PDE10A: variants seen among roughly 807,000 people sequenced by gnomAD.
PDE10A encodes phosphodiesterase 10A.
PDE10A carries 39 observed loss-of-function variants against 97.7 expected under a neutral mutation model. The ratio of observed to expected loss-of-function variants is 0.40; its 90% CI spans 0.31 to 0.52. PDE10A has a LOEUF of 0.52. PDE10A is among the 20% of genes least tolerant of loss of function. The pLI, the probability that PDE10A is intolerant of heterozygous loss-of-function variation, is 0.56. For synonymous variants in PDE10A, 371 were observed against 376.8 expected (o/e 0.98, Z 0.18); for missense variants, 731 against 1,047.8 (o/e 0.70, Z 4.17).
intron 1 of PDE10A, among the ~76,000 whole-genome samples, chr6:165,635,791 A>G (rs1265672951): frequency 6.6e-6 from 1 of 152,198 alleles, no homozygotes; most frequent in Non-Finnish European, 1.5e-5. Context: ...ATACAAGAAT[A>G]AAGGTACCTT....
chr6:165,558,452 C>T (rs755058268), intron 1 of PDE10A, among the ~76,000 whole-genome samples: 14 of 141,378 alleles, frequency 9.9e-5, no homozygotes, highest in Admixed American at 1.4e-4. Context: ...CGGGGCCTGT[C>T]GTGGGGTTGG....
At chr6:165,692,911 G>A (rs1791343415) in intron 1 of PDE10A, among the ~76,000 whole-genome samples, 1 of 152,172 alleles carries the variant, frequency 6.6e-6, no homozygotes, top group Non-Finnish European at 1.5e-5. Flanking sequence ...AATCCGCAGT[G>A]TCTGTACGGC....
chr6:165,644,002 C>T (rs1789268509), intron 1 of PDE10A, among the ~76,000 whole-genome samples: 1 of 152,130 alleles, frequency 6.6e-6, no homozygotes, highest in Non-Finnish European at 1.5e-5. Context: ...TAAAAGAAAG[C>T]TGAAAAGTAC....
At chr6:165,841,896 C>T (rs949544701) in intron 1 of PDE10A, among the ~76,000 whole-genome samples, 4 of 152,174 alleles carry the variant, frequency 2.6e-5, no homozygotes, top group Non-Finnish European at 5.9e-5. Flanking sequence ...TAAATTATGC[C>T]AGGAGCTTTT....
At chr6:165,456,974 C>A (rs986901631) in intron 3 of PDE10A, among the ~76,000 whole-genome samples, 1 of 152,098 alleles carries the variant, frequency 6.6e-6, no homozygotes, top group East Asian at 1.9e-4. Context: ...AAATGTACTA[C>A]AAGAATAAGC....
At position 165,764,710 on chromosome 6, in the gene PDE10A, T is replaced by C. The variant is rs371159522; in HGVS notation, c.-614-221142A>G. ...CGGCTCAGGAGTGAAGCTGCAGACC[T>C]TCCCGGTGAGTGTTACAGCTCATAA... On this transcript the variant is annotated intron_variant, in intron 1 of 19. Coordinates refer to the PDE10A transcript ENST00000366882. 1.2e-3 allele frequency among the ~76,000 whole-genome samples: 179 copies of C among 152,288 alleles called. 2 individuals are homozygous for C. Among genetic ancestry groups the C allele is most frequent in the African/African-American group, 4.0e-3 (167 of 41,554 alleles).
chr6:165,641,497 T>C (rs1434911867), intron 1 of PDE10A, among the ~76,000 whole-genome samples: 4 of 152,196 alleles, frequency 2.6e-5, no homozygotes, highest in African/African-American at 9.7e-5. Flanking sequence ...GCTTTAAAAG[T>C]TACACTTCAG....
Position 165,521,040 on chromosome 6 carries a change from T to C in PDE10A, c.994+22400A>G, listed in dbSNP as rs529004093. Among the ~76,000 whole-genome samples the C allele has an allele frequency of 5.6e-4, 85 of 152,310 alleles. No individual in the cohort carries two copies. In the South Asian group the frequency reaches 0.017, roughly 31 times the overall value. On this transcript the variant is annotated intron_variant, in intron 2 of 21. Coordinates refer to ENST00000539869, the MANE Select transcript of PDE10A (RefSeq NM_001385079.1). ...AGCAAGCAAGTCTATCAGCACCATT[T>C]TTCCAACAGCATGTGCTCACTTGGT...
intron 1 of PDE10A, among the ~76,000 whole-genome samples, chr6:165,845,790 C>T (rs754671805): frequency 6.6e-6 from 1 of 152,160 alleles, no homozygotes; most frequent in Admixed American, 6.5e-5. Context: ...AATCTGCCAA[C>T]ATCTGCAAAA....
chr6:165,890,844 C>T (rs1781772321), intron 1 of PDE10A, among the ~76,000 whole-genome samples: 1 of 152,212 alleles, frequency 6.6e-6, no homozygotes, highest in Non-Finnish European at 1.5e-5. Context: ...GAAACAAAGG[C>T]TGTAATTTCT....
At chr6:165,764,747 A>T (rs965998139) in intron 1 of PDE10A, among the ~76,000 whole-genome samples, 3 of 152,130 alleles carry the variant, frequency 2.0e-5, no homozygotes, top group Admixed American at 2.0e-4. Context: ...GGCACTGTGG[A>T]CCCAAAGAGT....
chr6:165,722,743 G>A (rs1057334672), intron 1 of PDE10A, among the ~76,000 whole-genome samples: 2 of 152,122 alleles, frequency 1.3e-5, no homozygotes, highest in African/African-American at 4.8e-5. Context: ...ATGTACGTAA[G>A]TTATATGAAG....
At chr6:165,369,746 C>T (rs963720658) in intron 18 of PDE10A, among the ~76,000 whole-genome samples, 7 of 143,180 alleles carry the variant, frequency 4.9e-5, no homozygotes, top group Admixed American at 1.4e-4. Context: ...AGATACTCCT[C>T]GAGAAGAGCA....
At chr6:165,591,418 T>A (rs1446824050) in intron 1 of PDE10A, among the ~76,000 whole-genome samples, 6 of 152,236 alleles carry the variant, frequency 3.9e-5, no homozygotes, top group African/African-American at 7.2e-5. Flanking sequence ...ATAAATAAAT[T>A]ATTTGTTGGC....
At chr6:165,729,062 A>G (rs2128450475) in intron 1 of PDE10A, among the ~76,000 whole-genome samples, 1 of 152,182 alleles carries the variant, frequency 6.6e-6, no homozygotes, top group East Asian at 1.9e-4. Context: ...ATTAGTGTGG[A>G]GTGGTGACAT....
At chr6:165,930,733 C>A (rs1166486375) in intron 1 of PDE10A, among the ~76,000 whole-genome samples, 1 of 152,202 alleles carries the variant, frequency 6.6e-6, no homozygotes, top group Non-Finnish European at 1.5e-5. Flanking sequence ...TACTTGCATT[C>A]GGAACATTTC....
At chr6:165,396,646 G>T (rs1015237027) in intron 13 of PDE10A, among the ~76,000 whole-genome samples, 187 bp from the exon 14 acceptor site, 5 of 152,028 alleles carry the variant, frequency 3.3e-5, no homozygotes, top group East Asian at 3.9e-4. Flanking sequence ...CAAAAGAAAT[G>T]CTTTTTTTAA....
chr6:165,957,639 C>G (rs1467944599), intron 1 of PDE10A, among the ~76,000 whole-genome samples: 1 of 152,162 alleles, frequency 6.6e-6, no homozygotes, highest in Admixed American at 6.5e-5. Flanking sequence ...CCATGGGAGT[C>G]CAGCTCCAAA....
intron 18 of PDE10A, among the ~76,000 whole-genome samples, chr6:165,351,341 G>T (rs1285218805): frequency 6.6e-6 from 1 of 152,080 alleles, no homozygotes; most frequent in Non-Finnish European, 1.5e-5. Context: ...AAGGACAAAA[G>T]GTGGGAAGCA....
Sources: gnomAD v4.1 joint callset for allele counts (sites outside exome capture counted in the v4.1 genomes callset) on GRCh38, gnomAD v4.1.1 for gene constraint, MANE v1.5 for transcripts, NCBI Gene and HGNC (gene_info 2026-07-23, HGNC 2026-07-21) for gene names.